ANKS6: variants seen among roughly 807,000 people sequenced by gnomAD.
ANKS6 encodes ankyrin repeat and SAM domain-containing protein 6.
ANKS6 carries 47 observed loss-of-function variants against 77.9 expected under a neutral mutation model. That is an observed-to-expected ratio of 0.60 (90% CI 0.48 to 0.77). ANKS6 has a LOEUF of 0.77. ANKS6 is among the 30% of genes least tolerant of loss of function. The pLI, the probability that ANKS6 is intolerant of heterozygous loss-of-function variation, is 0.00. For synonymous variants in ANKS6, 488 were observed against 501.7 expected, an observed-to-expected ratio of 0.97 and a Z score of 0.37; for missense variants, 1,150 against 1,159.1, an observed-to-expected ratio of 0.99 and a Z score of 0.11.
intron 11 of ANKS6, 112 bp downstream of exon 11, chr9:98,767,969 C>T: frequency 7.2e-7 from 1 of 1,389,740 alleles, no homozygotes; most frequent in Middle Eastern, 2.6e-4. Context: ...TGGAAGGGGC[C>T]TGTCTTTAGT....
chr9:98,738,826 C>A lies in ANKS6; in HGVS notation c.2512-2203G>T, dbSNP rs570046174. Among the ~76,000 whole-genome samples the A allele has an allele frequency of 6.4e-4, 98 of 152,264 alleles. 4 individuals carry two copies. In the South Asian group the frequency reaches 0.014, roughly 22 times the overall value. ...CCTATAGCAGCACAATTCACAACTG[C>A]AAAGTCATGGAACCAACCCAAATGC... is the stretch of plus-strand genomic sequence containing the variant. On this transcript the variant is annotated intron_variant, in intron 14 of 14. Transcript: ENST00000353234.
intron 1 of ANKS6, among the ~76,000 whole-genome samples, chr9:98,794,620 T>C (rs1835078912): frequency 6.6e-6 from 1 of 152,192 alleles, no homozygotes; most frequent in African/African-American, 2.4e-5. Flanking sequence ...AAGACTATCC[T>C]GCAGAACTTG....
chr9:98,749,413 C>T (rs915104534), intron 13 of ANKS6, among the ~76,000 whole-genome samples: 2 of 152,180 alleles, frequency 1.3e-5, no homozygotes, highest in Admixed American at 1.3e-4. Context: ...TTCCTCTCCC[C>T]GTGAACATTC....
intron 12 of ANKS6, among the ~76,000 whole-genome samples, chr9:98,752,517 C>T (rs894647962): frequency 6.6e-6 from 1 of 152,176 alleles, no homozygotes; most frequent in African/African-American, 2.4e-5. Context: ...GGAGAGGTCC[C>T]TGTCATGAAG....
rs902141376 is a variant in ANKS6 at position 98,776,401 on chromosome 9, T to G, written c.1617+1004A>C. On this transcript the variant is annotated intron_variant, in intron 8 of 14. Coordinates refer to ENST00000353234, the MANE Select transcript of ANKS6 (RefSeq NM_173551.5). ...TAAGCAGAGTAGTTGCCAAAAACCC[T>G]TTTTTTTTTTTTTTTTAAAGACAGA... 0.014 allele frequency among the ~76,000 whole-genome samples: 21 copies of G among 1,488 alleles called. No homozygotes were observed. In the African/African-American group the frequency reaches 0.23, roughly 16 times the overall value. 1.0% of individuals were successfully genotyped at this position (1,488 alleles called of 152,430 possible).
At chr9:98,785,826 C>T (rs1030466337) in intron 2 of ANKS6, among the ~76,000 whole-genome samples, 8 of 152,132 alleles carry the variant, frequency 5.3e-5, no homozygotes, top group African/African-American at 1.7e-4. Context: ...AGTCAGTGCA[C>T]GTGAATTTCA....
At chr9:98,752,303 T>C (rs1237922604) in intron 12 of ANKS6, among the ~76,000 whole-genome samples, 1 of 152,204 alleles carries the variant, frequency 6.6e-6, no homozygotes, top group Non-Finnish European at 1.5e-5. Context: ...TTAGGCAGCA[T>C]CCAGACAGGG....
chr9:98,732,750 G>A lies in ANKS6; in HGVS notation c.*3769C>T, dbSNP rs144123505. ...CTGGGACTCAAAGGGAAGAAGAAAC[G>A]TGCTCAACATCACGCAGCACTAGGT... On this transcript the variant is annotated 3_prime_UTR_variant, in exon 15 of 15. Coordinates refer to ENST00000353234, the MANE Select transcript of ANKS6 (RefSeq NM_173551.5). 260 of 1,427,020 alleles carry A rather than the reference G, an allele frequency of 1.8e-4. No individual in the cohort carries two copies. Among genetic ancestry groups the A allele is most frequent in the East Asian group, 1.7e-3 (67 of 39,036 alleles). The allele number at this position is 1,427,020 out of a possible 1,614,324, so 88.4% of individuals were successfully genotyped here. A position where few individuals can be genotyped will look rare whatever the true frequency, so the allele number is the denominator to read the frequency against.
At position 98,778,320 on chromosome 9, in the gene ANKS6, A is replaced by G. The variant is rs1201841859; in HGVS notation, c.1473T>C (p.Pro491=). 6.2e-7 allele frequency: 1 copy of G among 1,614,176 alleles called. No individual in the cohort carries two copies. The highest frequency in any genetic ancestry group is 8.5e-7 in the Non-Finnish European group (1 of 1,180,030). Residue 491 remains proline, a synonymous_variant, in exon 7 of 15, where the codon CCT becomes CCC. Coordinates refer to ENST00000353234, the MANE Select transcript of ANKS6 (RefSeq NM_173551.5). ...TCATTGTGGAGTCCAGAGCTGGCTC[A>G]GGCTCGTCAGAGAAAGGCAAAGGCT... ...SNQPLPFSDE[P]EPALDSTMRA...
rs561797771 is a variant in ANKS6, at chr9:98,785,173, T to A, written c.863-297A>T. Among the ~76,000 whole-genome samples the A allele has an allele frequency of 2.4e-4, 37 of 152,356 alleles. No homozygotes were observed. The South Asian group carries it at 7.7e-3, about 32-fold the overall frequency. On this transcript the variant is annotated intron_variant, in intron 2 of 14. Coordinates refer to ENST00000353234, the MANE Select transcript of ANKS6 (RefSeq NM_173551.5). ...TTTAGGCAAAACAAACGTTGGCATA[T>A]CCTTTCTTAGATATACTGAAAAGTC...
chr9:98,772,141 C>T (rs75030137), intron 9 of ANKS6, among the ~76,000 whole-genome samples: 131 of 152,314 alleles, frequency 8.6e-4, no homozygotes, highest in African/African-American at 2.8e-3. Flanking sequence ...TGAGGATGAG[C>T]TTATATGTGC....
chr9:98,772,058 T>C (rs1042140026), intron 9 of ANKS6, among the ~76,000 whole-genome samples: 13 of 152,164 alleles, frequency 8.5e-5, no homozygotes, highest in South Asian at 4.1e-4. Context: ...GTGGGCTGAA[T>C]TGCAGCCGCC....
At chr9:98,781,494 G>A (rs1045051482) in intron 5 of ANKS6, among the ~76,000 whole-genome samples, 1 of 152,158 alleles carries the variant, frequency 6.6e-6, no homozygotes, top group Admixed American at 6.5e-5. Flanking sequence ...CACTGGACTT[G>A]GGGCACAGGA....
Position 98,768,213 on chromosome 9 carries a change from G to A in ANKS6, c.2010C>T (p.Ala670=), listed in dbSNP as rs773123657. Residue 670 remains alanine, a synonymous_variant, in exon 11 of 15, where the codon GCC becomes GCT. Transcript: ENST00000353234. ...ATAATCCGGCTGCTTTTTTCCTCTG[G>A]GCAGCGATTTGGGACAAGACATTGT... ...SIDNVLSQIA[A]QRKKAAGLLE... 1.2e-6 allele frequency: 2 copies of A among 1,614,084 alleles called. No individual in the cohort carries two copies. Among genetic ancestry groups the A allele is most frequent in the African/African-American group, 1.3e-5 (1 of 75,034 alleles).
At chr9:98,786,445 C>T (rs1404465315) in intron 2 of ANKS6, among the ~76,000 whole-genome samples, 3 of 152,088 alleles carry the variant, frequency 2.0e-5, no homozygotes, top group Non-Finnish European at 4.4e-5. Context: ...GCACCCACCA[C>T]CGCATCTGGC....
intron 12 of ANKS6, among the ~76,000 whole-genome samples, chr9:98,751,339 A>G (rs1832421168): frequency 6.6e-6 from 1 of 151,802 alleles, no homozygotes; most frequent in Non-Finnish European, 1.5e-5. Flanking sequence ...CAGGCTGTGA[A>G]GACACAGAGA....
Position 98,751,055 on chromosome 9 carries a change from AT to A in ANKS6, c.2367del (p.Lys789AsnfsTer19). 2 of 1,610,928 alleles carry A rather than the reference AT, an allele frequency of 1.2e-6. No homozygotes were observed. The highest frequency in any genetic ancestry group is 1.7e-6 in the Non-Finnish European group (2 of 1,178,934). ...TCTTGTTCCTCAAAAATGGGCTGAT[AT>A]TTCTCAAGTGATAATTTCTTAAGGA... ...TGILKKLSLE[K>X]YQPIFEEQEV... On this transcript the variant is annotated frameshift_variant, in exon 13 of 15. Transcript: ENST00000353234. LOFTEE classifies it high-confidence loss of function.
chr9:98,767,589 C>G (rs1286374430), intron 11 of ANKS6, among the ~76,000 whole-genome samples: 1 of 152,264 alleles, frequency 6.6e-6, no homozygotes, highest in East Asian at 1.9e-4. Flanking sequence ...CAGATGCTCC[C>G]AGGATGTATA....
At chr9:98,736,952 C>T (rs1027418603) in intron 14 of ANKS6, among the ~76,000 whole-genome samples, 5 of 152,132 alleles carry the variant, frequency 3.3e-5, no homozygotes, top group Non-Finnish European at 5.9e-5. Context: ...TCCTTTCCTG[C>T]GCCTCTGTGC....
Sources: allele counts gnomAD v4.1 joint callset (sites outside exome capture counted in the v4.1 genomes callset), GRCh38; gene constraint gnomAD v4.1.1; transcripts MANE v1.5; gene names NCBI Gene and HGNC (gene_info 2026-07-23, HGNC 2026-07-21).